Variants in FNTA observed in about 807,000 individuals in gnomAD.
FNTA encodes protein farnesyltransferase/geranylgeranyltransferase type-1 subunit alpha.
Under a neutral mutation model 55.2 loss-of-function variants are expected in FNTA, and 27 were observed. The ratio of observed to expected loss-of-function variants is 0.49; its 90% confidence interval spans 0.36 to 0.67. The LOEUF (loss-of-function observed/expected upper bound fraction) is 0.67. Among genes scored for constraint, FNTA ranks in the 30% least tolerant of loss-of-function variants. The pLI, the probability that FNTA is intolerant of heterozygous loss-of-function variation, is 0.00. For synonymous variants in FNTA, 176 were observed against 170.7 expected, an observed-to-expected ratio of 1.03 and a Z score of -0.24; for missense variants, 422 against 464.7, an observed-to-expected ratio of 0.91 and a Z score of 0.85.
intron 2 of FNTA, among the ~76,000 whole-genome samples, chr8:43,060,870 A>T (rs918921922): frequency 1.3e-5 from 2 of 152,120 alleles, no homozygotes; most frequent in Non-Finnish European, 2.9e-5. Flanking sequence ...TTTAAACAGG[A>T]TCCATATTAA....
chr8:43,084,883 T>G lies in FNTA; in HGVS notation c.1017+2T>G. The G allele has an allele frequency of 4.3e-6, 7 of 1,613,202 alleles. No individual in the cohort carries two copies. The highest frequency in any genetic ancestry group is 5.9e-6 in the Non-Finnish European group (7 of 1,179,602). ...GACATTCTTAATAAAGCATTAGAGG[T>G]AAGCTGGTGGGGCTCAGTGCTGTCA... On this transcript the variant is annotated splice_donor_variant, in intron 8 of 8. Transcript: ENST00000302279. LOFTEE classifies it high-confidence loss of function.
Position 43,069,642 on chromosome 8 carries a change from C to T in FNTA, c.489C>T (p.Pro163=). 5 of 1,610,322 alleles carry T rather than the reference C, an allele frequency of 3.1e-6. No individual in the cohort carries two copies. The highest frequency in any genetic ancestry group is 4.2e-6 in the Non-Finnish European group (5 of 1,176,950). ...TCACTGCAATAATTGAGGAGCAGCCCAAAAACTATCAAGTTTGGTAAGTTT... is the reference window on the plus strand; with the variant it reads ...TCACTGCAATAATTGAGGAGCAGCCTAAAAACTATCAAGTTTGGTAAGTTT... The part of the protein sequence containing the change: ...NYITAIIEEQ[P]KNYQVWHHRR... Residue 163 remains proline (P), a synonymous_variant, in exon 4 of 9, where the codon CCC becomes CCT. Coordinates refer to ENST00000302279, the MANE Select transcript of FNTA (RefSeq NM_002027.3).
intron 5 of FNTA, among the ~76,000 whole-genome samples, chr8:43,075,049 C>G (rs1810878453): frequency 6.6e-6 from 1 of 152,156 alleles, no homozygotes; most frequent in South Asian, 2.1e-4. Flanking sequence ...GTACACAGGG[C>G]ACTGTGTTAT....
chr8:43,059,205 C>G, intron 2 of FNTA, 28 bp downstream of exon 2: 1 of 1,507,008 alleles, frequency 6.6e-7, no homozygotes, highest in Non-Finnish European at 9.2e-7. Context: ...AGGAAAAGGT[C>G]TGTAAGTTAA....
At chr8:43,080,523 A>G (rs1811001001) in intron 6 of FNTA, 1 of 152,204 alleles carries the variant, frequency 6.6e-6, no homozygotes, top group Non-Finnish European at 1.5e-5. Flanking sequence ...ATGTGCTGGG[A>G]AAAAGAAAAG....
chr8:43,057,429 C>CA (rs1810435485), intron 1 of FNTA: 1 of 152,172 alleles, frequency 6.6e-6, no homozygotes, highest in Admixed American at 6.5e-5. Flanking sequence ...CCATAATCCT[C>CA]AAGTCTGCTC....
intron 2 of FNTA, among the ~76,000 whole-genome samples, chr8:43,062,976 T>A (rs1291004334): frequency 6.6e-6 from 1 of 152,120 alleles, no homozygotes; most frequent in Non-Finnish European, 1.5e-5. Context: ...AGAGACAGGC[T>A]CTCACTATGT....
intron 6 of FNTA, chr8:43,079,575 C>T (rs927292300): frequency 6.6e-6 from 1 of 152,216 alleles, no homozygotes; most frequent in Non-Finnish European, 1.5e-5. Flanking sequence ...ACCTCATCAC[C>T]CAAGAGCTCT....
intron 4 of FNTA, 73 bp from the exon 5 acceptor site, chr8:43,072,108 A>G: frequency 8.3e-7 from 1 of 1,205,222 alleles, no homozygotes; most frequent in Non-Finnish European, 1.1e-6. Context: ...TGTCACCTTT[A>G]CAACATGTGC....
At position 43,083,125 on chromosome 8, in the gene FNTA, C is replaced by G. The variant is rs754049501; in HGVS notation, c.790C>G (p.Leu264Val). The G allele has an allele frequency of 8.9e-6, 14 of 1,566,834 alleles. No homozygotes were observed. The highest frequency in any genetic ancestry group is 1.2e-5 in the South Asian group (1 of 86,594). ...AVLEREVQYT[L>V]EMIKLVPHNE... is the part of the protein sequence containing the mutation. The stretch of plus-strand genomic sequence containing the variant: ...TATATATTTTTCTTGCAGATACACT[C>G]TGGAAATGATTAAACTAGTACCACA... Residue 264 changes from leucine (L) to valine (V), a missense_variant, in exon 7 of 9, where the codon CTG (leucine) becomes GTG (valine). Leu to Val is a conservative substitution (Grantham distance 32, BLOSUM62 1). Transcript: ENST00000302279.
chr8:43,060,712 A>G (rs892347328), intron 2 of FNTA, among the ~76,000 whole-genome samples: 2 of 152,112 alleles, frequency 1.3e-5, no homozygotes, highest in Admixed American at 6.6e-5. Flanking sequence ...GTGAATTCTT[A>G]CATACACCAT....
intron 4 of FNTA, among the ~76,000 whole-genome samples, chr8:43,071,908 GTC>G (rs775121010): frequency 1.6e-4 from 25 of 152,182 alleles, no homozygotes; most frequent in African/African-American, 5.8e-4. Context: ...ATTTTGTCTT[GTC>G]TCTCATTATA....
chr8:43,079,054 C>T (rs1326471746), intron 6 of FNTA: 1 of 154,218 alleles, frequency 6.5e-6, no homozygotes, highest in East Asian at 1.9e-4. Context: ...CAGAAGAAAA[C>T]TTGGATGCTA....
rs1810810826 is a variant in FNTA at position 43,072,297 on chromosome 8, G to C, written c.623G>C (p.Trp208Ser). 3.2e-6 allele frequency: 5 copies of C among 1,571,694 alleles called. No homozygotes were observed. Among genetic ancestry groups the C allele is most frequent in the Non-Finnish European group, 4.3e-6 (5 of 1,160,068 alleles). ...KNYHAWQHRQWVIQEFKLWDN... is the reference protein window; with the variant it reads ...KNYHAWQHRQSVIQEFKLWDN... ...TATCATGCCTGGCAGCATCGACAATGGGTTATTCAGGTATTGCCTTTCTTG... is the reference window on the plus strand; with the variant it reads ...TATCATGCCTGGCAGCATCGACAATCGGTTATTCAGGTATTGCCTTTCTTG... The change falls in exon 5 of 9, where the codon TGG becomes TCG. Residue 208 changes from tryptophan to serine, a missense_variant. Physicochemically the swap from Trp to Ser is radical, Grantham distance 177 (BLOSUM62 -3). Coordinates refer to ENST00000302279, the MANE Select transcript of FNTA (RefSeq NM_002027.3).
chr8:43,075,337 C>T (rs916961115), intron 5 of FNTA, among the ~76,000 whole-genome samples: 9 of 122,466 alleles, frequency 7.3e-5, no homozygotes, highest in African/African-American at 2.4e-4. Context: ...CCTGTAAAAT[C>T]GGGGACTATC....
chr8:43,075,528 T>C (rs901859698), intron 5 of FNTA, among the ~76,000 whole-genome samples: 3 of 152,260 alleles, frequency 2.0e-5, no homozygotes, highest in South Asian at 4.1e-4. Context: ...ATAAAAAATT[T>C]ATATTGCCTG....
intron 4 of FNTA, among the ~76,000 whole-genome samples, chr8:43,071,241 G>GTA (rs1377058592): frequency 6.6e-6 from 1 of 151,940 alleles, no homozygotes; most frequent in Non-Finnish European, 1.5e-5. Context: ...GTGTTTTTTA[G>GTA]TATATATACA....
chr8:43,081,410 C>T (rs920363286), intron 6 of FNTA: 5 of 152,154 alleles, frequency 3.3e-5, no homozygotes, highest in Admixed American at 2.6e-4. Flanking sequence ...ATTTATCAAG[C>T]ATTTACTATA....
intron 7 of FNTA, among the ~76,000 whole-genome samples, chr8:43,084,356 A>T (rs75330820): frequency 1.3e-5 from 2 of 151,580 alleles, no homozygotes; most frequent in African/African-American, 4.9e-5. Flanking sequence ...AGTAGCTGAG[A>T]CTATAGGTGC....
Sources: allele counts gnomAD v4.1 joint callset (sites outside exome capture counted in the v4.1 genomes callset), GRCh38; gene constraint gnomAD v4.1.1; transcripts MANE v1.5; gene names NCBI Gene and HGNC (gene_info 2026-07-23, HGNC 2026-07-21).